GLCE: variants seen among roughly 807,000 people sequenced by gnomAD.
The protein encoded by GLCE is glucuronic acid epimerase.
In GLCE, 19 loss-of-function variants were observed where a neutral mutation model predicts 47.9. That is an observed-to-expected ratio of 0.40 (90% CI 0.28 to 0.58). The LOEUF (loss-of-function observed/expected upper bound fraction) is 0.58, where lower values mean the gene tolerates loss of function less well. Among genes scored for constraint, GLCE ranks in the 20% least tolerant of loss-of-function variants. The pLI is 0.48. For missense variants in GLCE, 556 were observed against 743.3 expected (o/e 0.75, Z 2.93); for synonymous variants, 245 against 263.4 (o/e 0.93, Z 0.68).
At chr15:69,170,020 C>A (rs957828429) in intron 1 of GLCE, among the ~76,000 whole-genome samples, 1 of 152,084 alleles carries the variant, frequency 6.6e-6, no homozygotes, top group Non-Finnish European at 1.5e-5. Context: ...AGTACATAAT[C>A]TTTCTCCCTA....
chr15:69,164,541 T>C (rs2051474995), intron 1 of GLCE, among the ~76,000 whole-genome samples: 1 of 150,492 alleles, frequency 6.6e-6, no homozygotes, highest in Non-Finnish European at 1.5e-5. Context: ...TATATGTATA[T>C]AATATGTATA....
chr15:69,248,683 A>G (rs572587505), intron 2 of GLCE, among the ~76,000 whole-genome samples: 8 of 151,960 alleles, frequency 5.3e-5, no homozygotes, highest in Non-Finnish European at 8.8e-5. Context: ...CTGGAGTGCA[A>G]TGGCGATCTC....
intron 1 of GLCE, among the ~76,000 whole-genome samples, chr15:69,187,494 A>C (rs2051841555): frequency 6.6e-6 from 1 of 152,174 alleles, no homozygotes; most frequent in African/African-American, 2.4e-5. Context: ...AGTAAACAAA[A>C]TTACTATAAT....
intron 1 of GLCE, among the ~76,000 whole-genome samples, chr15:69,170,955 G>C (rs2051580048): frequency 6.6e-6 from 1 of 152,146 alleles, no homozygotes; most frequent in African/African-American, 2.4e-5. Flanking sequence ...GAGGTATTTA[G>C]GAAAACATTT....
intron 2 of GLCE, among the ~76,000 whole-genome samples, chr15:69,217,289 A>G (rs1228602938): frequency 1.3e-5 from 2 of 151,774 alleles, no homozygotes; most frequent in Non-Finnish European, 1.5e-5. Context: ...TGTAAATGAG[A>G]TGTATTTTTT....
chr15:69,264,385 T>G (rs1332759077), intron 4 of GLCE, among the ~76,000 whole-genome samples: 1 of 152,120 alleles, frequency 6.6e-6, no homozygotes, highest in African/African-American at 2.4e-5. Context: ...TACACACATG[T>G]GTGTGCACGT....
At chr15:69,256,454 T>C in intron 3 of GLCE, 62 bp downstream of exon 3, 3 of 1,106,436 alleles carry the variant, frequency 2.7e-6, no homozygotes, top group Non-Finnish European at 4.0e-6. Flanking sequence ...AATAAGAAAA[T>C]GTTGTTAATT....
intron 2 of GLCE, among the ~76,000 whole-genome samples, chr15:69,239,969 A>G (rs4238421): frequency 0.044 from 6,734 of 152,258 alleles, 353 homozygotes; most frequent in East Asian, 0.24. Flanking sequence ...GTGATTGCTA[A>G]AAGTAATATT....
intron 1 of GLCE, among the ~76,000 whole-genome samples, chr15:69,203,950 G>C (rs960869240): frequency 6.6e-6 from 1 of 151,976 alleles, no homozygotes; most frequent in African/African-American, 2.4e-5. Context: ...TAATACCTAA[G>C]GTACATGTAG....
At chr15:69,242,606 T>C (rs2052686900) in intron 2 of GLCE, among the ~76,000 whole-genome samples, 2 of 152,192 alleles carry the variant, frequency 1.3e-5, no homozygotes, top group Admixed American at 1.3e-4. Flanking sequence ...ATTTGATTAA[T>C]TTAGTGCTTT....
At chr15:69,186,939 G>A (rs1368002317) in intron 1 of GLCE, among the ~76,000 whole-genome samples, 1 of 151,942 alleles carries the variant, frequency 6.6e-6, no homozygotes, top group Non-Finnish European at 1.5e-5. Flanking sequence ...GGTGAAGTTT[G>A]GTTGTTATTA....
chr15:69,206,401 G>A lies in GLCE; in HGVS notation c.-104-3915G>A, dbSNP rs902791807. ...TTTGTATTATATTCTTTAGAAATGA[G>A]TTGCTAATTTCAGCCCACAATCAAA... On this transcript the variant is annotated intron_variant, in intron 1 of 4. Transcript: ENST00000261858. 7.2e-5 allele frequency among the ~76,000 whole-genome samples: 11 copies of A among 152,088 alleles called. No homozygotes were observed. The South Asian group carries it at 2.3e-3, about 32-fold the overall frequency.
intron 1 of GLCE, among the ~76,000 whole-genome samples, chr15:69,165,822 A>G (rs982123407): frequency 3.3e-5 from 5 of 152,218 alleles, no homozygotes; most frequent in Non-Finnish European, 7.3e-5. Context: ...TGATGTCAGA[A>G]GTGAGTTAAA....
intron 4 of GLCE, chr15:69,266,789 C>G (rs556570274): frequency 6.4e-6 from 5 of 776,434 alleles, no homozygotes; most frequent in Non-Finnish European, 7.8e-6. Context: ...AACCTGAGTC[C>G]GGGAAACCTG....
chr15:69,268,712 G>A lies in GLCE; in HGVS notation c.1322G>A (p.Trp441Ter), dbSNP rs1436045494. 2 of 1,614,146 alleles carry A rather than the reference G, an allele frequency of 1.2e-6. No homozygotes were observed. The highest frequency in any genetic ancestry group is 1.7e-6 in the Non-Finnish European group (2 of 1,180,026). Residue 441 changes from tryptophan to a stop codon, truncating the protein, a stop_gained, in exon 5 of 5, where the codon TGG becomes TAG. Transcript: ENST00000261858. LOFTEE classifies it high-confidence loss of function. Reference sequence around the variant, plus strand: ...GGGTTCAAGTCTTTAGAGCCAGGATGGTATTCTGCCATGGCCCAAGGGCAA... The same window carrying A: ...GGGTTCAAGTCTTTAGAGCCAGGATAGTATTCTGCCATGGCCCAAGGGCAA... Reference protein sequence around the residue: ...GEGFKSLEPGWYSAMAQGQAI... With the variant: ...GEGFKSLEPG
At chr15:69,211,840 T>C (rs181550868) in intron 2 of GLCE, among the ~76,000 whole-genome samples, 40 of 152,166 alleles carry the variant, frequency 2.6e-4, no homozygotes, top group African/African-American at 9.1e-4. Flanking sequence ...CAGCCTCTTA[T>C]ATCCTGCATA....
chr15:69,179,090 C>T (rs1020730735), intron 1 of GLCE, among the ~76,000 whole-genome samples: 27 of 152,132 alleles, frequency 1.8e-4, no homozygotes, highest in African/African-American at 6.5e-4. Context: ...CATTAATAAA[C>T]ATATTTTGCT....
intron 2 of GLCE, among the ~76,000 whole-genome samples, chr15:69,226,047 G>GACACAC (rs36218660): frequency 3.4e-5 from 2 of 59,494 alleles, no homozygotes; most frequent in Non-Finnish European, 1.0e-4. Flanking sequence ...CGCATGCACA[G>GACACAC]ACACACACAC....
chr15:69,179,436 T>TCC (rs2051719136), intron 1 of GLCE, among the ~76,000 whole-genome samples: 1 of 152,172 alleles, frequency 6.6e-6, no homozygotes, highest in Non-Finnish European at 1.5e-5. Context: ...TGTTGGACAA[T>TCC]CCAAAGACTT....
Sources: gnomAD v4.1 joint callset for allele counts (sites outside exome capture counted in the v4.1 genomes callset) on GRCh38, gnomAD v4.1.1 for gene constraint, MANE v1.5 for transcripts, NCBI Gene and HGNC (gene_info 2026-07-23, HGNC 2026-07-21) for gene names.